GCH1: variants seen among roughly 807,000 people sequenced by gnomAD.
GCH1 encodes GTP cyclohydrolase I.
Under a neutral mutation model 25.9 loss-of-function variants are expected in GCH1, and 5 were observed. The ratio of observed to expected loss-of-function variants is 0.19; its 90% CI spans 0.10 to 0.41. The LOEUF (loss-of-function observed/expected upper bound fraction) is 0.41. Ranked by LOEUF, GCH1 falls within the 10% of genes least tolerant of loss-of-function variation. The pLI is 1.00. For synonymous variants in GCH1, 159 were observed against 129.6 expected, an observed-to-expected ratio of 1.23 and a Z score of -1.54; for missense variants, 261 against 336.5, an observed-to-expected ratio of 0.78 and a Z score of 1.75.
intron 3 of GCH1, among the ~76,000 whole-genome samples, chr14:54,851,960 T>C (rs568445186): frequency 6.9e-4 from 105 of 152,322 alleles, no homozygotes; most frequent in African/African-American, 2.4e-3. Context: ...ATAGTAATTT[T>C]TGTATTTTTA....
chr14:54,893,420 CT>C (rs1438698984), intron 1 of GCH1, among the ~76,000 whole-genome samples: 1 of 152,160 alleles, frequency 6.6e-6, no homozygotes, highest in Non-Finnish European at 1.5e-5. Context: ...ATAGAAATCA[CT>C]GGCAAATGAG....
chr14:54,898,205 C>T (rs1024475168), intron 1 of GCH1, among the ~76,000 whole-genome samples: 1 of 152,090 alleles, frequency 6.6e-6, no homozygotes, highest in Non-Finnish European at 1.5e-5. Context: ...AACAGTGAGA[C>T]CCTGCCTCTA....
intron 1 of GCH1, 148 bp from the exon 2 acceptor site, chr14:54,865,584 T>C (rs1316969333): frequency 2.0e-5 from 13 of 645,564 alleles, no homozygotes; most frequent in Non-Finnish European, 3.4e-5. Flanking sequence ...TATTTTTCCT[T>C]ATCAAAGTAG....
chr14:54,870,265 A>C (rs2040050704), intron 1 of GCH1, among the ~76,000 whole-genome samples: 1 of 148,012 alleles, frequency 6.8e-6, no homozygotes, highest in Non-Finnish European at 1.5e-5. Context: ...TGGGAGGCGA[A>C]GGTGAGAACA....
At chr14:54,865,239 G>A in intron 2 of GCH1, 88 bp downstream of exon 2, 1 of 683,802 alleles carries the variant, frequency 1.5e-6, no homozygotes. Flanking sequence ...ATCAGCAATT[G>A]GCAGCTAAAA....
intron 1 of GCH1, among the ~76,000 whole-genome samples, chr14:54,886,508 G>GA (rs2040354811): frequency 1.3e-5 from 2 of 152,078 alleles, no homozygotes; most frequent in African/African-American, 2.4e-5. Flanking sequence ...GCTGCTCGGG[G>GA]GGCTGAGGCA....
intron 1 of GCH1, among the ~76,000 whole-genome samples, chr14:54,888,679 ATTTTTTT>A (rs58982226): frequency 0.051 from 7,121 of 138,450 alleles, 624 homozygotes; most frequent in African/African-American, 0.18. Context: ...CGCCCGGCTA[ATTTTTTT>A]TTTTTTTTTT....
intron 3 of GCH1, among the ~76,000 whole-genome samples, chr14:54,849,794 C>T (rs10133941): frequency 0.44 from 66,809 of 151,984 alleles, 16,550 homozygotes; most frequent in African/African-American, 0.68. Flanking sequence ...CCTGTCTTTG[C>T]GCTGCATTCA....
At chr14:54,867,007 C>T (rs2039996901) in intron 1 of GCH1, among the ~76,000 whole-genome samples, 1 of 152,070 alleles carries the variant, frequency 6.6e-6, no homozygotes, top group Non-Finnish European at 1.5e-5. Flanking sequence ...GAAAAGAAGA[C>T]CAAAAATAGA....
intron 1 of GCH1, among the ~76,000 whole-genome samples, chr14:54,886,462 A>C (rs1024760503): frequency 1.3e-5 from 2 of 151,968 alleles, no homozygotes; most frequent in African/African-American, 4.8e-5. Flanking sequence ...AATACAAAAA[A>C]TTAGCCGGGC....
intron 3 of GCH1, among the ~76,000 whole-genome samples, chr14:54,853,533 T>C (rs1018030205): frequency 6.6e-6 from 1 of 152,190 alleles, no homozygotes; most frequent in African/African-American, 2.4e-5. Flanking sequence ...AATGTACATA[T>C]GCATTATATC....
intron 1 of GCH1, among the ~76,000 whole-genome samples, chr14:54,871,972 A>T (rs60026945): frequency 0.21 from 32,234 of 151,526 alleles, 4,734 homozygotes; most frequent in East Asian, 0.41. Context: ...GCAGGCCAAC[A>T]TTCAGATTCA....
chr14:54,860,756 G>A (rs189211357), intron 2 of GCH1, among the ~76,000 whole-genome samples: 8 of 152,166 alleles, frequency 5.3e-5, no homozygotes, highest in Middle Eastern at 3.4e-3. Flanking sequence ...AGCCAGGATG[G>A]TTTCGATCTC....
At chr14:54,864,909 G>A (rs1174096249) in intron 2 of GCH1, among the ~76,000 whole-genome samples, 8 of 152,072 alleles carry the variant, frequency 5.3e-5, no homozygotes, top group Admixed American at 4.6e-4. Flanking sequence ...AATTATTGTT[G>A]CTCATGACAT....
At chr14:54,873,176 C>A (rs1206465238) in intron 1 of GCH1, among the ~76,000 whole-genome samples, 1 of 152,112 alleles carries the variant, frequency 6.6e-6, no homozygotes, top group East Asian at 1.9e-4. Flanking sequence ...AACTAGAACT[C>A]AGGATTAATA....
chr14:54,846,975 A>G, intron 4 of GCH1, 124 bp downstream of exon 4: 2 of 473,364 alleles, frequency 4.2e-6, no homozygotes, highest in South Asian at 4.3e-5. Flanking sequence ...GGCTGCAGTG[A>G]GCCGAGATTG....
chr14:54,864,123 A>T (rs2039959177), intron 2 of GCH1, among the ~76,000 whole-genome samples: 1 of 152,084 alleles, frequency 6.6e-6, no homozygotes, highest in Non-Finnish European at 1.5e-5. Context: ...CAGCCTTCCA[A>T]AGTGCTGGGA....
chr14:54,902,760 C>A lies in GCH1; in HGVS notation c.-97G>T. 3.0e-6 allele frequency: 4 copies of A among 1,355,908 alleles called. No individual in the cohort carries two copies. The highest frequency in any genetic ancestry group is 3.8e-6 in the Non-Finnish European group (4 of 1,058,292). 84.0% of individuals were successfully genotyped at this position (1,355,908 alleles called of 1,614,324 possible). ...GTGGCCGCGGACAATGGGCTGTGGC[C>A]GGAGTCACCTGAGGAAGGTACGCAA... On this transcript the variant is annotated 5_prime_UTR_variant, in exon 1 of 6. Coordinates refer to ENST00000491895, the MANE Select transcript of GCH1 (RefSeq NM_000161.3).
chr14:54,870,585 A>G (rs781128510), intron 1 of GCH1, among the ~76,000 whole-genome samples: 3 of 152,208 alleles, frequency 2.0e-5, no homozygotes, highest in Non-Finnish European at 2.9e-5. Context: ...GGGTCAGGGA[A>G]TTCCCTTTCC....
Sources: allele counts gnomAD v4.1 joint callset (sites outside exome capture counted in the v4.1 genomes callset), GRCh38; gene constraint gnomAD v4.1.1; transcripts MANE v1.5; gene names NCBI Gene and HGNC (gene_info 2026-07-23, HGNC 2026-07-21).